DPYD: variants seen among roughly 807,000 people sequenced by gnomAD.
DPYD encodes dihydropyrimidine dehydrogenase [NADP(+)].
Under a neutral mutation model 116.2 loss-of-function variants are expected in DPYD, and 109 were observed. That is an observed-to-expected ratio of 0.94 (90% CI 0.80 to 1.10). The LOEUF is 1.10. Ranked by LOEUF, DPYD falls within the 50% of genes least tolerant of loss-of-function variation. The pLI is 0.00. For missense variants in DPYD, 1,302 were observed against 1,254.5 expected (o/e 1.04, Z -0.57); for synonymous variants, 440 against 432.0 (o/e 1.02, Z -0.23).
intron 16 of DPYD, among the ~76,000 whole-genome samples, chr1:97,337,481 T>G (rs1332084697): frequency 6.6e-6 from 1 of 152,100 alleles, no homozygotes; most frequent in East Asian, 1.9e-4. Context: ...ACATGCTGGC[T>G]CACCTCTGTA....
chr1:97,851,531 T>C (rs1205498476), intron 2 of DPYD, among the ~76,000 whole-genome samples: 2 of 151,946 alleles, frequency 1.3e-5, no homozygotes, highest in African/African-American at 4.8e-5. Flanking sequence ...AATTTAAATA[T>C]GCAGGTGCAT....
chr1:97,595,920 A>G (rs1479705307), intron 8 of DPYD, among the ~76,000 whole-genome samples: 3 of 152,078 alleles, frequency 2.0e-5, no homozygotes, highest in Non-Finnish European at 2.9e-5. Flanking sequence ...ATTTAAGAAA[A>G]TTAAACTATA....
At chr1:97,615,899 C>A (rs1656238352) in intron 8 of DPYD, among the ~76,000 whole-genome samples, 1 of 152,032 alleles carries the variant, frequency 6.6e-6, no homozygotes, top group Admixed American at 6.6e-5. Context: ...CCTTCATTAC[C>A]CCTGAGTTAA....
chr1:97,204,861 C>T (rs1164664204), intron 19 of DPYD, among the ~76,000 whole-genome samples: 2 of 152,014 alleles, frequency 1.3e-5, no homozygotes, highest in Non-Finnish European at 1.5e-5. Flanking sequence ...GCTTTTATTA[C>T]TTAGGTGGGG....
At chr1:97,337,398 T>A (rs1357845313) in intron 16 of DPYD, among the ~76,000 whole-genome samples, 2 of 152,146 alleles carry the variant, frequency 1.3e-5, no homozygotes, top group African/African-American at 4.8e-5. Context: ...CTCTATCAAA[T>A]ACCTCGTGTT....
chr1:97,526,132 G>C (rs376828092), intron 12 of DPYD, among the ~76,000 whole-genome samples: 2 of 152,026 alleles, frequency 1.3e-5, no homozygotes, highest in Admixed American at 6.6e-5. Flanking sequence ...TTCCAATTTA[G>C]AATGAACTCC....
chr1:97,481,234 A>T (rs1448549155), intron 13 of DPYD, among the ~76,000 whole-genome samples: 2 of 150,670 alleles, frequency 1.3e-5, no homozygotes, highest in Non-Finnish European at 3.0e-5. Context: ...ATGAGATGCC[A>T]TTTTTTTTTG....
At chr1:97,312,228 C>T (rs373696123) in intron 16 of DPYD, among the ~76,000 whole-genome samples, 21 of 151,872 alleles carry the variant, frequency 1.4e-4, no homozygotes, top group African/African-American at 4.6e-4. Context: ...AACATGATCA[C>T]CTATCATGAT....
intron 3 of DPYD, among the ~76,000 whole-genome samples, chr1:97,764,574 A>T (rs1665746590): frequency 6.6e-6 from 1 of 152,064 alleles, no homozygotes; most frequent in African/African-American, 2.4e-5. Context: ...TTAATTGTCC[A>T]ATTTTCAGTT....
intron 3 of DPYD, among the ~76,000 whole-genome samples, chr1:97,758,372 A>C (rs1378766660): frequency 6.6e-6 from 1 of 152,110 alleles, no homozygotes; most frequent in Non-Finnish European, 1.5e-5. Flanking sequence ...AAAAAAAAAA[A>C]AACAGTTTCA....
At chr1:97,720,704 C>A (rs1662874429) in intron 5 of DPYD, 9 of 1,402,042 alleles carry the variant, frequency 6.4e-6, no homozygotes, top group Admixed American at 3.3e-5. Flanking sequence ...AAGTCATTAA[C>A]TAAAAATCTA....
At chr1:97,669,653 A>G (rs1659750843) in intron 8 of DPYD, among the ~76,000 whole-genome samples, 1 of 152,144 alleles carries the variant, frequency 6.6e-6, no homozygotes, top group South Asian at 2.1e-4. Flanking sequence ...TAAATGACAG[A>G]GAAAGAGATT....
chr1:97,881,275 C>T (rs1451462710), intron 2 of DPYD, among the ~76,000 whole-genome samples: 4 of 151,890 alleles, frequency 2.6e-5, no homozygotes, highest in Admixed American at 2.6e-4. Flanking sequence ...CACACGCACA[C>T]CCAAAGTGAA....
rs1648894134 is a variant in DPYD, at chr1:97,077,806, G to A, written c.*1170C>T. Reference sequence around the variant, plus strand: ...GTAATACAGGTTTTGTGGCAAATATGCATTTCTAAAAGTGCATAATGAAAC... The same window carrying A: ...GTAATACAGGTTTTGTGGCAAATATACATTTCTAAAAGTGCATAATGAAAC... On this transcript the variant is annotated 3_prime_UTR_variant, in exon 23 of 23. Transcript: ENST00000370192. The A allele has an allele frequency of 6.6e-6, 1 of 152,038 alleles. No individual in the cohort carries two copies. The highest frequency in any genetic ancestry group is 2.4e-5 in the African/African-American group (1 of 41,426). The allele number at this position is 152,038 out of a possible 1,614,324, so 9.4% of individuals were successfully genotyped here.
At chr1:97,444,705 T>C (rs1675980033) in intron 14 of DPYD, among the ~76,000 whole-genome samples, 1 of 152,104 alleles carries the variant, frequency 6.6e-6, no homozygotes, top group Non-Finnish European at 1.5e-5. Flanking sequence ...TAACCATAAG[T>C]ATCTTTTTTA....
At chr1:97,378,035 C>A (rs887982093) in intron 15 of DPYD, among the ~76,000 whole-genome samples, 3 of 152,218 alleles carry the variant, frequency 2.0e-5, no homozygotes, top group African/African-American at 7.2e-5. Flanking sequence ...TAAATGAATA[C>A]ATGGGGTCAG....
intron 3 of DPYD, among the ~76,000 whole-genome samples, chr1:97,761,346 AT>A (rs571513533): frequency 7.4e-4 from 112 of 152,052 alleles, no homozygotes; most frequent in Non-Finnish European, 1.4e-3. Context: ...ACTGTTTAAA[AT>A]TCTCATAAGA....
chr1:97,093,870 A>G lies in DPYD; in HGVS notation c.2766+4619T>C, dbSNP rs59426883. 8.5e-5 allele frequency among the ~76,000 whole-genome samples: 13 copies of G among 152,070 alleles called. No homozygotes were observed. In the East Asian group the frequency reaches 2.3e-3, roughly 27 times the overall value. ...TGACACGTCTCTCCTCTTATGCAAGATATCTTAATATATTGTTTAGACTCC... is the reference window on the plus strand; with the variant it reads ...TGACACGTCTCTCCTCTTATGCAAGGTATCTTAATATATTGTTTAGACTCC... On this transcript the variant is annotated intron_variant, in intron 21 of 22. Transcript: ENST00000370192.
intron 19 of DPYD, among the ~76,000 whole-genome samples, chr1:97,207,338 G>A (rs975772067): frequency 1.3e-5 from 2 of 151,992 alleles, no homozygotes; most frequent in African/African-American, 4.8e-5. Flanking sequence ...TAATATCTTT[G>A]CATTATTACT....
Sources: gnomAD v4.1 joint callset for allele counts (sites outside exome capture counted in the v4.1 genomes callset) on GRCh38, gnomAD v4.1.1 for gene constraint, MANE v1.5 for transcripts, NCBI Gene and HGNC (gene_info 2026-07-23, HGNC 2026-07-21) for gene names.